The following MTCL1 variants were observed in gnomAD, a reference collection of about 807,000 sequenced individuals.
MTCL1 encodes the protein microtubule crosslinking factor 1.
MTCL1 carries 79 observed loss-of-function variants against 141.4 expected under a neutral mutation model. That is an observed-to-expected ratio of 0.56 (90% confidence interval 0.47 to 0.67). MTCL1 has a LOEUF of 0.67. Ranked by LOEUF, MTCL1 falls within the 30% of genes least tolerant of loss-of-function variation. MTCL1 has a pLI of 0.00. For synonymous variants in MTCL1, 914 were observed against 875.8 expected, an observed-to-expected ratio of 1.04 and a Z score of -0.77; for missense variants, 2,177 against 2,113.9, an observed-to-expected ratio of 1.03 and a Z score of -0.59.
At chr18:8,826,101 G>A (rs758672589) in exon 15 of MTCL1, 1 of 1,612,206 alleles carries the variant, frequency 6.2e-7, no homozygotes. Context: ...TGAGAACGTG[G>A]CCCGGATCCT....
At chr18:8,738,626 A>C (rs1162677743) in intron 4 of MTCL1, among the ~76,000 whole-genome samples, 1 of 152,136 alleles carries the variant, frequency 6.6e-6, no homozygotes, top group Non-Finnish European at 1.5e-5. Flanking sequence ...ACTTCTTTTG[A>C]GTTTCTCTTC....
In MTCL1 at chr18:8,784,716, G is replaced by A. The variant is rs767202575; in HGVS notation, c.1604G>A (p.Arg535His). The change falls in exon 6 of 17, where the codon CGC (arginine) becomes CAC (histidine). Residue 535 changes from arginine (R) to histidine (H), a missense_variant. Arg to His is a conservative substitution (Grantham distance 29). Transcript: ENST00000359865. ...CAGGCCTTCCTGGAGCAGGTGAACC[G>A]CATTGGGGATGGCCTATCCCCCTTG... The A allele has an allele frequency of 1.3e-5, 21 of 1,614,192 alleles. No individual in the cohort carries two copies. In the South Asian group the frequency reaches 1.5e-4, roughly 12 times the overall value.
At chr18:8,809,332 G>A (rs2076402538) in intron 11 of MTCL1, 2 of 1,295,342 alleles carry the variant, frequency 1.5e-6, no homozygotes, top group African/African-American at 1.5e-5. Flanking sequence ...AATTTAGCAT[G>A]TCCTCCGGTT....
In MTCL1 at chr18:8,796,218, T is replaced by G; in HGVS notation, c.2011-14T>G. 1 of 1,612,638 alleles carries G rather than the reference T, an allele frequency of 6.2e-7. No individual in the cohort carries two copies. The highest frequency in any genetic ancestry group is 8.5e-7 in the Non-Finnish European group (1 of 1,178,670). Reference sequence around the variant, plus strand: ...TTAGCTGCTTGTCACACTGTCTCTCTTATTCCATTCAAGATGGAGGAGGAG... The same window carrying G: ...TTAGCTGCTTGTCACACTGTCTCTCGTATTCCATTCAAGATGGAGGAGGAG... On this transcript the variant is annotated splice_polypyrimidine_tract_variant and intron_variant, in intron 8 of 16. Coordinates refer to ENST00000359865, the Ensembl canonical transcript of MTCL1.
rs531032338 is a variant in MTCL1 at position 8,748,040 on chromosome 18, T to C, written c.357+27544T>C. 1.0e-3 allele frequency among the ~76,000 whole-genome samples: 158 copies of C among 152,166 alleles called. 1 individual carries two copies. Among genetic ancestry groups the C allele is most frequent in the African/African-American group, 3.7e-3 (155 of 41,508 alleles). On this transcript the variant is annotated intron_variant, in intron 4 of 16. Coordinates refer to ENST00000359865, the Ensembl canonical transcript of MTCL1. ...TCATGTTGGTGCCCCTGGTCTTCCG[T>C]CCCCAGACCATACCCCTCAGAACTG... is the stretch of plus-strand genomic sequence containing the variant.
intron 4 of MTCL1, among the ~76,000 whole-genome samples, chr18:8,768,297 A>G (rs940202125): frequency 6.6e-6 from 1 of 152,258 alleles, no homozygotes; most frequent in South Asian, 2.1e-4. Context: ...TCCAAAATAC[A>G]TGTTGTTAAC....
chr18:8,820,697 G>A (rs2076817262), intron 13 of MTCL1, among the ~76,000 whole-genome samples: 1 of 152,204 alleles, frequency 6.6e-6, no homozygotes, highest in Non-Finnish European at 1.5e-5. Context: ...GGGGTCAGGA[G>A]CCTGTGCGTG....
At chr18:8,736,673 T>C (rs1208427947) in intron 4 of MTCL1, among the ~76,000 whole-genome samples, 1 of 150,256 alleles carries the variant, frequency 6.7e-6, no homozygotes, top group African/African-American at 2.5e-5. Flanking sequence ...AGTCTCGCTC[T>C]GTCGCCCAGG....
Position 8,720,514 on chromosome 18 carries a change from G to T in MTCL1, c.357+18G>T, listed in dbSNP as rs147808230. 920 of 1,611,280 alleles carry T rather than the reference G, an allele frequency of 5.7e-4. 5 individuals are homozygous for T. In the African/African-American group the frequency reaches 0.011, roughly 19 times the overall value. On this transcript the variant is annotated intron_variant, in intron 4 of 16. Transcript: ENST00000359865. ...TGAAAGAGGTAATCCAAAACTGTGGGGGTCCTGCCCCCTTGGATTTAATAA... is the reference window on the plus strand; with the variant it reads ...TGAAAGAGGTAATCCAAAACTGTGGTGGTCCTGCCCCCTTGGATTTAATAA...
At chr18:8,793,144 C>T in intron 8 of MTCL1, 24 bp downstream of exon 7, 1 of 1,611,068 alleles carries the variant, frequency 6.2e-7, no homozygotes, top group Non-Finnish European at 8.5e-7. Flanking sequence ...ACGGACTCAG[C>T]ACAACCGCTT....
intron 4 of MTCL1, among the ~76,000 whole-genome samples, chr18:8,741,687 G>A (rs1281272556): frequency 1.3e-5 from 2 of 152,182 alleles, no homozygotes; most frequent in East Asian, 1.9e-4. Context: ...GCACAGACTC[G>A]CAAATCAGTT....
intron 10 of MTCL1, chr18:8,802,376 T>A (rs2076150313): frequency 1.3e-5 from 2 of 152,244 alleles, no homozygotes; most frequent in South Asian, 2.1e-4. Context: ...TTTAGATTAA[T>A]CCTATCTCCA....
intron 14 of MTCL1, among the ~76,000 whole-genome samples, chr18:8,823,104 C>G (rs1306978629): frequency 6.6e-6 from 1 of 152,108 alleles, no homozygotes; most frequent in Non-Finnish European, 1.5e-5. Flanking sequence ...CCCCACTGTC[C>G]CCATGTCCTC....
chr18:8,829,092 C>A, intron 16 of MTCL1: 1 of 1,539,704 alleles, frequency 6.5e-7, no homozygotes, highest in Non-Finnish European at 8.7e-7. Flanking sequence ...ACCCCAAGTT[C>A]CAGGAGGTTC....
intron 5 of MTCL1, chr18:8,778,095 C>A: frequency 2.1e-6 from 1 of 469,428 alleles, no homozygotes; most frequent in Non-Finnish European, 3.7e-6. Context: ...TTCTCCCTCA[C>A]GCTGACAAGC....
At chr18:8,751,332 C>T (rs1053853464) in intron 4 of MTCL1, among the ~76,000 whole-genome samples, 14 of 152,130 alleles carry the variant, frequency 9.2e-5, no homozygotes, top group East Asian at 1.9e-4. Flanking sequence ...GTTTTGCATG[C>T]GTAGACATTA....
rs189338832 is a variant in MTCL1, at chr18:8,784,260, G to A, written c.1148G>A (p.Arg383Gln). 3.2e-5 allele frequency: 52 copies of A among 1,603,160 alleles called. No individual in the cohort carries two copies. In the East Asian group the frequency reaches 4.5e-4, roughly 14 times the overall value. Residue 383 changes from arginine (R) to glutamine (Q), a missense_variant, in exon 6 of 17, where the codon CGG becomes CAG. By Grantham distance (43) the Arg-to-Gln change is conservative (BLOSUM62 1). Coordinates refer to ENST00000359865, the Ensembl canonical transcript of MTCL1. The stretch of plus-strand genomic sequence containing the variant: ...CTGGGGCTGCGTGCCCCCAGTCCCC[G>A]GGACAGCGATGCCGAGAGTGATGCG...
At position 8,749,503 on chromosome 18, in the gene MTCL1, A is replaced by G. The variant is rs1380768393; in HGVS notation, c.358-28330A>G. On this transcript the variant is annotated intron_variant, in intron 4 of 16. Coordinates refer to ENST00000359865, the Ensembl canonical transcript of MTCL1. ...AGGAGGTTTTTCAAGGGAGAATGAT[A>G]TGGGCAGTTATATCTTTGGAAGGTA... Among the ~76,000 whole-genome samples, 4 of 152,312 alleles carry G rather than the reference A, an allele frequency of 2.6e-5. No homozygotes were observed. The East Asian group carries it at 7.7e-4, about 29-fold the overall frequency.
At chr18:8,712,543 C>T (rs1195733455), upstream of MTCL1, among the ~76,000 whole-genome samples, 1 of 152,228 alleles carries the variant, frequency 6.6e-6, no homozygotes, top group East Asian at 1.9e-4. Context: ...CTTTCTCTTT[C>T]AGAAGGGTTA....
Sources: gnomAD v4.1 joint callset for allele counts (sites outside exome capture counted in the v4.1 genomes callset) on GRCh38, gnomAD v4.1.1 for gene constraint, MANE v1.5 for transcripts, NCBI Gene and HGNC (gene_info 2026-07-23, HGNC 2026-07-21) for gene names.